AUTS2: variants seen among roughly 807,000 people sequenced by gnomAD.
AUTS2 encodes activator of transcription and developmental regulator AUTS2, also known as autism susceptibility gene 2 protein.
In AUTS2, 17 loss-of-function variants were observed where a neutral mutation model predicts 112.4. That is an observed-to-expected ratio of 0.15 (90% confidence interval 0.10 to 0.23). The LOEUF (loss-of-function observed/expected upper bound fraction) is 0.23, where lower values mean the gene tolerates loss of function less well. Among genes scored for constraint, AUTS2 ranks in the 10% least tolerant of loss-of-function variants. The pLI, the probability that AUTS2 is intolerant of heterozygous loss-of-function variation, is 1.00. For synonymous variants in AUTS2, 751 were observed against 702.7 expected (o/e 1.07, Z -1.09); for missense variants, 1,510 against 1,701.6 (o/e 0.89, Z 1.98).
chr7:70,165,014 G>T (rs1808307886), intron 4 of AUTS2, among the ~76,000 whole-genome samples: 1 of 152,096 alleles, frequency 6.6e-6, no homozygotes. Context: ...TTAGTAGAGT[G>T]ATGGAATCTG....
At chr7:69,692,387 A>C (rs1797385698) in intron 1 of AUTS2, among the ~76,000 whole-genome samples, 1 of 152,226 alleles carries the variant, frequency 6.6e-6, no homozygotes, top group Non-Finnish European at 1.5e-5. Context: ...CAGACATATG[A>C]AATGTTTTCC....
At chr7:70,651,370 A>G (rs1433659155) in intron 5 of AUTS2, among the ~76,000 whole-genome samples, 1 of 152,182 alleles carries the variant, frequency 6.6e-6, no homozygotes, top group African/African-American at 2.4e-5. Flanking sequence ...TTGTGAGGCG[A>G]CTTCTGTACA....
chr7:70,781,811 C>G, intron 15 of AUTS2, 55 bp downstream of exon 15: 2 of 1,584,520 alleles, frequency 1.3e-6, no homozygotes, highest in Non-Finnish European at 1.7e-6. Flanking sequence ...TCTCAGGTAA[C>G]TAAATAAATG....
At chr7:69,603,176 C>A (rs910829469) in intron 1 of AUTS2, among the ~76,000 whole-genome samples, 12 of 152,154 alleles carry the variant, frequency 7.9e-5, no homozygotes, top group Admixed American at 7.9e-4. Context: ...GAAAAGAAAC[C>A]AGAAATATTG....
At chr7:70,575,363 T>C (rs1585320919) in intron 5 of AUTS2, among the ~76,000 whole-genome samples, 1 of 152,310 alleles carries the variant, frequency 6.6e-6, no homozygotes, top group Non-Finnish European at 1.5e-5. Flanking sequence ...GAGTTGCTAA[T>C]AGGGTAGGAA....
At chr7:70,162,244 A>C (rs1021386276) in intron 4 of AUTS2, among the ~76,000 whole-genome samples, 3 of 151,374 alleles carry the variant, frequency 2.0e-5, no homozygotes, top group African/African-American at 4.9e-5. Context: ...CAGGAGATCG[A>C]GACCATCCCG....
At chr7:70,203,554 A>C (rs1221310657) in intron 4 of AUTS2, among the ~76,000 whole-genome samples, 1 of 147,874 alleles carries the variant, frequency 6.8e-6, no homozygotes, top group Non-Finnish European at 1.5e-5. Flanking sequence ...TGGCTTAAAA[A>C]ATCTAACAAT....
chr7:70,077,518 A>C (rs184866853), intron 2 of AUTS2, among the ~76,000 whole-genome samples: 1 of 152,340 alleles, frequency 6.6e-6, no homozygotes, highest in East Asian at 1.9e-4. Flanking sequence ...TGCCCTGTAC[A>C]TAGGAGGAGC....
chr7:70,481,307 G>A (rs572956586), intron 5 of AUTS2, among the ~76,000 whole-genome samples: 2 of 152,298 alleles, frequency 1.3e-5, no homozygotes, highest in South Asian at 4.1e-4. Context: ...GGCCGAAGTT[G>A]GTGCTTTCAT....
intron 1 of AUTS2, among the ~76,000 whole-genome samples, chr7:69,770,629 C>T (rs545545978): frequency 6.6e-6 from 1 of 152,128 alleles, no homozygotes; most frequent in African/African-American, 2.4e-5. Flanking sequence ...TACATCACAA[C>T]TTTGCAGAGC....
At chr7:69,848,708 T>A (rs1020405032) in intron 1 of AUTS2, among the ~76,000 whole-genome samples, 1 of 152,222 alleles carries the variant, frequency 6.6e-6, no homozygotes, top group Non-Finnish European at 1.5e-5. Flanking sequence ...TTCTGTGAAA[T>A]ACAAGTCCCA....
chr7:69,763,337 G>T (rs1230282934), intron 1 of AUTS2, among the ~76,000 whole-genome samples: 4 of 152,152 alleles, frequency 2.6e-5, no homozygotes, highest in Non-Finnish European at 5.9e-5. Flanking sequence ...TCAAATGCAT[G>T]CTGTGGGTAG....
intron 4 of AUTS2, among the ~76,000 whole-genome samples, chr7:70,261,286 G>A (rs1425568241): frequency 6.6e-6 from 1 of 152,140 alleles, no homozygotes; most frequent in African/African-American, 2.4e-5. Context: ...AAACTTATCT[G>A]TAGTAACAAA....
At chr7:69,795,285 G>A (rs1263275230) in intron 1 of AUTS2, among the ~76,000 whole-genome samples, 1 of 152,180 alleles carries the variant, frequency 6.6e-6, no homozygotes, top group African/African-American at 2.4e-5. Flanking sequence ...TGAAAGGGAG[G>A]TTGGGCTGGA....
intron 1 of AUTS2, among the ~76,000 whole-genome samples, chr7:69,723,553 G>T (rs1799076120): frequency 6.6e-6 from 1 of 152,098 alleles, no homozygotes; most frequent in African/African-American, 2.4e-5. Context: ...CCACAGAGTG[G>T]TCCAGAGGAA....
intron 5 of AUTS2, among the ~76,000 whole-genome samples, chr7:70,639,716 T>G (rs1359212511): frequency 1.3e-5 from 2 of 150,440 alleles, no homozygotes; most frequent in Non-Finnish European, 2.9e-5. Flanking sequence ...CGCCCTTACA[T>G]TTACTTGCCT....
At chr7:69,714,247 ATATGTGTGTGTG>A (rs1377262415) in intron 1 of AUTS2, among the ~76,000 whole-genome samples, 16 of 42,344 alleles carry the variant, frequency 3.8e-4, no homozygotes, top group East Asian at 7.2e-4. Flanking sequence ...ATGTGTGTGT[ATATGTGTGTGTG>A]TGTGTGTGTG....
chr7:70,135,739 G>T (rs1174844884), intron 4 of AUTS2, among the ~76,000 whole-genome samples: 1 of 152,018 alleles, frequency 6.6e-6, no homozygotes, highest in Non-Finnish European at 1.5e-5. Flanking sequence ...ACTTACCCTT[G>T]CTCCTACTTA....
intron 4 of AUTS2, among the ~76,000 whole-genome samples, chr7:70,359,821 ACT>A (rs1792178495): frequency 6.6e-6 from 1 of 152,034 alleles, no homozygotes; most frequent in Admixed American, 6.6e-5. Context: ...GAGGACACAA[ACT>A]CTATCCAGAA....
Sources: gnomAD v4.1 joint callset for allele counts (sites outside exome capture counted in the v4.1 genomes callset) on GRCh38, gnomAD v4.1.1 for gene constraint, MANE v1.5 for transcripts, NCBI Gene and HGNC (gene_info 2026-07-23, HGNC 2026-07-21) for gene names.